The following MAML2 variants were observed in gnomAD, a reference collection of about 807,000 sequenced individuals.
MAML2 encodes the protein mastermind like transcriptional coactivator 2.
A neutral mutation model predicts 96.1 loss-of-function variants in MAML2; 22 were observed. The ratio of observed to expected loss-of-function variants is 0.23; its 90% CI spans 0.16 to 0.33. The LOEUF is 0.33. Ranked by LOEUF, MAML2 falls within the 10% of genes least tolerant of loss-of-function variation. The probability of loss-of-function intolerance (pLI) is 1.00; values close to 1 mark genes in which losing one functional copy is unlikely to be tolerated. For synonymous variants in MAML2, 561 were observed against 521.3 expected, an observed-to-expected ratio of 1.08 and a Z score of -1.04; for missense variants, 1,367 against 1,392.4, an observed-to-expected ratio of 0.98 and a Z score of 0.29.
At chr11:96,086,897 C>T (rs866048638) in intron 2 of MAML2, among the ~76,000 whole-genome samples, 2 of 152,122 alleles carry the variant, frequency 1.3e-5, no homozygotes, top group Non-Finnish European at 2.9e-5. Context: ...TAAATTTTTC[C>T]CGAGGTGGTG....
chr11:96,200,647 T>G (rs963152909), intron 1 of MAML2, among the ~76,000 whole-genome samples: 2 of 152,328 alleles, frequency 1.3e-5, no homozygotes, highest in Admixed American at 6.5e-5. Context: ...CAATCCACCA[T>G]GTCTTCCTGC....
chr11:96,050,602 C>G (rs1352528444), intron 2 of MAML2, among the ~76,000 whole-genome samples: 1 of 152,202 alleles, frequency 6.6e-6, no homozygotes, highest in East Asian at 1.9e-4. Flanking sequence ...AACTATGTTA[C>G]TAGGCAACAT....
intron 2 of MAML2, among the ~76,000 whole-genome samples, chr11:96,044,891 A>G (rs1376635559): frequency 6.6e-6 from 1 of 152,248 alleles, no homozygotes; most frequent in African/African-American, 2.4e-5. Flanking sequence ...AGATAAAAGT[A>G]TCAGGATGAC....
At chr11:96,096,721 T>G (rs954308638) in intron 1 of MAML2, among the ~76,000 whole-genome samples, 3 of 152,216 alleles carry the variant, frequency 2.0e-5, no homozygotes, top group African/African-American at 7.2e-5. Context: ...CACAGTTTTC[T>G]TCTCCTTTAT....
intron 2 of MAML2, among the ~76,000 whole-genome samples, chr11:96,039,956 T>C (rs1279677130): frequency 8.7e-6 from 1 of 114,778 alleles, no homozygotes; most frequent in Non-Finnish European, 1.7e-5. Context: ...AGAGCAGGAC[T>C]CTGTCTCAAA....
At chr11:96,136,618 CA>C (rs1860637751) in intron 1 of MAML2, among the ~76,000 whole-genome samples, 1 of 152,144 alleles carries the variant, frequency 6.6e-6, no homozygotes, top group Non-Finnish European at 1.5e-5. Context: ...GAGCTAATAG[CA>C]TACTTCTAGT....
chr11:96,109,665 G>T (rs991015719), intron 1 of MAML2, among the ~76,000 whole-genome samples: 1 of 152,200 alleles, frequency 6.6e-6, no homozygotes, highest in African/African-American at 2.4e-5. Context: ...GGAGTTATTT[G>T]CTGCTGAGTA....
intron 1 of MAML2, among the ~76,000 whole-genome samples, chr11:96,144,837 C>T (rs1242255186): frequency 6.6e-6 from 1 of 152,178 alleles, no homozygotes; most frequent in Non-Finnish European, 1.5e-5. Context: ...CACTCTTATA[C>T]AAATCCCGTG....
At chr11:96,062,000 T>C (rs1209052703) in intron 2 of MAML2, among the ~76,000 whole-genome samples, 2 of 152,162 alleles carry the variant, frequency 1.3e-5, no homozygotes, top group Non-Finnish European at 2.9e-5. Flanking sequence ...AGAGACGAGT[T>C]CCACTTTAAG....
In MAML2 at chr11:95,979,616, G is replaced by T. The variant is rs187844581; in HGVS notation, c.2803C>A (p.Gln935Lys). The change falls in exon 5 of 5, where the codon CAA (glutamine) becomes AAA (lysine). Residue 935 changes from glutamine (Q) to lysine (K), a missense_variant. By Grantham distance (53) the Gln-to-Lys change is moderately conservative. Transcript: ENST00000524717. The stretch of plus-strand genomic sequence containing the variant: ...CTATGGGTTAAATTTGGTCTCAATT[G>T]TTGTGAATTACCAACAGATCCAGCT... The part of the protein sequence containing the change: ...FGAGSVGNSQ[Q>K]LRPNLTHSMA... 2.8e-4 allele frequency: 456 copies of T among 1,613,968 alleles called. 3 individuals are homozygous for T. The African/African-American group carries it at 5.7e-3, about 20-fold the overall frequency.
At position 96,343,115 on chromosome 11, in the gene MAML2, A is replaced by G. The variant is rs1864023280; in HGVS notation, c.-1220T>C. On this transcript the variant is annotated 5_prime_UTR_variant, in exon 1 of 5. Transcript: ENST00000524717. Reference sequence around the variant, plus strand: ...TCGTCTGTTGTTAGCCGCTTTGCTGACACTGGCTCGCGCCCGGAGTCACGG... The same window carrying G: ...TCGTCTGTTGTTAGCCGCTTTGCTGGCACTGGCTCGCGCCCGGAGTCACGG... The G allele has an allele frequency of 7.5e-6, 3 of 398,620 alleles. No individual in the cohort carries two copies. The East Asian group carries it at 1.1e-4, about 14-fold the overall frequency. The allele number at this position is 398,620 out of a possible 1,614,324, so 24.7% of individuals were successfully genotyped here.
intron 4 of MAML2, among the ~76,000 whole-genome samples, chr11:95,983,560 C>G (rs12419054): frequency 6.6e-6 from 1 of 152,092 alleles, no homozygotes; most frequent in Admixed American, 6.6e-5. Context: ...GGATTTTGAA[C>G]GTTCCCAACA....
intron 1 of MAML2, among the ~76,000 whole-genome samples, chr11:96,320,697 T>C (rs1249965738): frequency 1.3e-5 from 2 of 152,188 alleles, no homozygotes; most frequent in Admixed American, 6.5e-5. Context: ...TAGAGATGTG[T>C]GTGTGTTTGT....
At chr11:96,250,889 T>C (rs1862572910) in intron 1 of MAML2, among the ~76,000 whole-genome samples, 1 of 152,204 alleles carries the variant, frequency 6.6e-6, no homozygotes, top group Admixed American at 6.5e-5. Flanking sequence ...TTTCTCCATC[T>C]TGAAAGCCTC....
intron 2 of MAML2, among the ~76,000 whole-genome samples, chr11:96,082,568 C>T (rs759183911): frequency 1.7e-4 from 26 of 152,078 alleles, no homozygotes; most frequent in Non-Finnish European, 2.9e-4. Context: ...GGAGAGCTGA[C>T]GCTGTGAGGT....
intron 1 of MAML2, among the ~76,000 whole-genome samples, chr11:96,198,935 C>T (rs1291164335): frequency 6.7e-6 from 1 of 150,352 alleles, no homozygotes; most frequent in Non-Finnish European, 1.5e-5. Context: ...CGGTGGCTCA[C>T]GTCTGTAATC....
chr11:95,986,000 T>C (rs570861276), intron 3 of MAML2, among the ~76,000 whole-genome samples: 1 of 152,318 alleles, frequency 6.6e-6, no homozygotes, highest in Non-Finnish European at 1.5e-5. Context: ...AAGGTCACTG[T>C]GCAACCTCCA....
At chr11:96,027,731 T>TGTTTTATTTTAC (rs1413774587) in intron 2 of MAML2, among the ~76,000 whole-genome samples, 5 of 152,110 alleles carry the variant, frequency 3.3e-5, no homozygotes, top group African/African-American at 1.2e-4. Flanking sequence ...TTTTATTTTA[T>TGTTTTATTTTAC]TGTTTTATTT....
At chr11:96,158,501 T>C (rs1861047802) in intron 1 of MAML2, among the ~76,000 whole-genome samples, 1 of 152,232 alleles carries the variant, frequency 6.6e-6, no homozygotes, top group Non-Finnish European at 1.5e-5. Flanking sequence ...TCTCTACTCC[T>C]AAAGCCTCTG....
Sources: gnomAD v4.1 joint callset for allele counts (sites outside exome capture counted in the v4.1 genomes callset) on GRCh38, gnomAD v4.1.1 for gene constraint, MANE v1.5 for transcripts, NCBI Gene and HGNC (gene_info 2026-07-23, HGNC 2026-07-21) for gene names.